Variants in SLC8A1 observed in about 807,000 individuals in gnomAD.
SLC8A1 encodes the protein sodium/calcium exchanger 1.
SLC8A1 carries 18 observed loss-of-function variants against 68.3 expected under a neutral mutation model. The observed-to-expected ratio is 0.26, with a 90% CI of 0.18 to 0.39. SLC8A1 has a LOEUF of 0.39. Ranked by LOEUF, SLC8A1 falls within the 10% of genes least tolerant of loss-of-function variation. The pLI is 1.00. For synonymous variants in SLC8A1, 475 were observed against 415.5 expected (o/e 1.14, Z -1.74); for missense variants, 985 against 1,156.7 (o/e 0.85, Z 2.15).
chr2:40,152,938 C>CACT (rs1553365125), intron 6 of SLC8A1, among the ~76,000 whole-genome samples: 1 of 151,594 alleles, frequency 6.6e-6, no homozygotes, highest in Non-Finnish European at 1.5e-5. Flanking sequence ...TGTGCCACTG[C>CACT]AGTCCAGCCT....
At chr2:40,226,133 C>T (rs2058946289) in intron 2 of SLC8A1, among the ~76,000 whole-genome samples, 1 of 152,062 alleles carries the variant, frequency 6.6e-6, no homozygotes, top group Admixed American at 6.6e-5. Context: ...CCCTAAAAGT[C>T]GGGCCTTGCT....
chr2:40,113,543 A>G (rs534002448), exon 8 of SLC8A1: 1 of 152,878 alleles, frequency 6.5e-6, no homozygotes, highest in Non-Finnish European at 1.5e-5. Context: ...ACACTTTTAA[A>G]GGCCCGTTGG....
intron 1 of SLC8A1, among the ~76,000 whole-genome samples, chr2:40,486,648 G>A (rs1327938795): frequency 6.6e-6 from 1 of 151,608 alleles, no homozygotes; most frequent in African/African-American, 2.4e-5. Context: ...GTAGAAAAAG[G>A]GAAAATATGT....
intron 2 of SLC8A1, among the ~76,000 whole-genome samples, chr2:40,252,753 C>T (rs2062971515): frequency 7.0e-6 from 1 of 143,184 alleles, no homozygotes; most frequent in African/African-American, 2.9e-5. Flanking sequence ...TGGAGAGTTT[C>T]AATTTAATCA....
upstream of SLC8A1, among the ~76,000 whole-genome samples, chr2:40,456,739 G>A (rs768260599): frequency 2.6e-5 from 4 of 152,096 alleles, no homozygotes; most frequent in Non-Finnish European, 5.9e-5. Flanking sequence ...ATTATTACTG[G>A]TAAAGTTTCA....
chr2:40,283,724 A>G (rs1213097608), intron 2 of SLC8A1, among the ~76,000 whole-genome samples: 1 of 152,214 alleles, frequency 6.6e-6, no homozygotes, highest in Non-Finnish European at 1.5e-5. Flanking sequence ...TGCCAAAAGC[A>G]AAACAACTCA....
intron 2 of SLC8A1, among the ~76,000 whole-genome samples, chr2:40,205,715 G>A (rs1007609817): frequency 2.0e-5 from 3 of 150,508 alleles, no homozygotes; most frequent in African/African-American, 7.3e-5. Flanking sequence ...TTAATAACTG[G>A]ATGATGAGAT....
At chr2:40,394,726 A>G (rs1450432739) in intron 2 of SLC8A1, among the ~76,000 whole-genome samples, 1 of 152,042 alleles carries the variant, frequency 6.6e-6, no homozygotes, top group Non-Finnish European at 1.5e-5. Context: ...CTGATTTAGC[A>G]CAACGTGTTT....
intron 2 of SLC8A1, among the ~76,000 whole-genome samples, chr2:40,375,058 G>A (rs992751946): frequency 6.6e-6 from 1 of 151,974 alleles, no homozygotes; most frequent in Non-Finnish European, 1.5e-5. Flanking sequence ...AATCAGTCGG[G>A]AGAACAGCCC....
chr2:40,359,261 G>T, intron 2 of SLC8A1, among the ~76,000 whole-genome samples: 1 of 152,078 alleles, frequency 6.6e-6, no homozygotes, highest in East Asian at 1.9e-4. Context: ...ATACTGAAAT[G>T]ACATTTTGGA....
At chr2:40,233,533 C>A (rs2059961249) in intron 2 of SLC8A1, among the ~76,000 whole-genome samples, 1 of 140,344 alleles carries the variant, frequency 7.1e-6, no homozygotes, top group African/African-American at 2.7e-5. Flanking sequence ...AAATTTTCTC[C>A]CATTCTGTAG....
At chr2:40,186,053 A>G (rs2050644212) in intron 2 of SLC8A1, among the ~76,000 whole-genome samples, 2 of 152,202 alleles carry the variant, frequency 1.3e-5, no homozygotes, top group South Asian at 4.1e-4. Flanking sequence ...ACTTTGACAC[A>G]CTAAGCAGTT....
At chr2:40,255,704 G>A (rs1267060611) in intron 2 of SLC8A1, among the ~76,000 whole-genome samples, 3 of 152,200 alleles carry the variant, frequency 2.0e-5, no homozygotes, top group Admixed American at 1.3e-4. Context: ...AAGAGTTTGA[G>A]GGTATCTCCT....
chr2:40,176,181 C>T (rs889172669), intron 3 of SLC8A1, among the ~76,000 whole-genome samples: 1 of 151,954 alleles, frequency 6.6e-6, no homozygotes, highest in Non-Finnish European at 1.5e-5. Flanking sequence ...CTTTTTTGGG[C>T]CCAGTTTTCT....
intron 2 of SLC8A1, among the ~76,000 whole-genome samples, chr2:40,194,394 T>C (rs2052515964): frequency 6.6e-6 from 1 of 151,124 alleles, no homozygotes; most frequent in Non-Finnish European, 1.5e-5. Context: ...AATTTACAAG[T>C]TGAGGTGTGG....
chr2:40,220,875 C>T (rs1641453), intron 2 of SLC8A1, among the ~76,000 whole-genome samples: 2 of 150,966 alleles, frequency 1.3e-5, no homozygotes, highest in Non-Finnish European at 3.0e-5. Flanking sequence ...TTTTTTTCTT[C>T]AAAAAAAAAG....
At chr2:40,510,515 C>T (rs1361877351) in intron 1 of SLC8A1, among the ~76,000 whole-genome samples, 1 of 152,146 alleles carries the variant, frequency 6.6e-6, no homozygotes, top group Non-Finnish European at 1.5e-5. Context: ...TCATTTATGT[C>T]AACCTTTTAC....
intron 2 of SLC8A1, among the ~76,000 whole-genome samples, chr2:40,393,661 G>A (rs1686004808): frequency 6.6e-6 from 1 of 152,046 alleles, no homozygotes; most frequent in African/African-American, 2.4e-5. Context: ...GGATAACTGT[G>A]TAATGTGAAA....
intron 2 of SLC8A1, among the ~76,000 whole-genome samples, chr2:40,323,897 T>C (rs2075504669): frequency 6.6e-6 from 1 of 152,118 alleles, no homozygotes; most frequent in Non-Finnish European, 1.5e-5. Context: ...TTCAGGAGTT[T>C]AATTGTAAAA....
Sources: gnomAD v4.1 joint callset for allele counts (sites outside exome capture counted in the v4.1 genomes callset) on GRCh38, gnomAD v4.1.1 for gene constraint, MANE v1.5 for transcripts, NCBI Gene and HGNC (gene_info 2026-07-23, HGNC 2026-07-21) for gene names.